The following FER variants were observed in gnomAD, a reference collection of about 807,000 sequenced individuals.
FER encodes the protein tyrosine-protein kinase Fer.
A neutral mutation model predicts 111.0 loss-of-function variants in FER; 63 were observed. That is an observed-to-expected ratio of 0.57 (90% CI 0.46 to 0.70). FER has a LOEUF of 0.70. FER is among the 30% of genes least tolerant of loss of function. The pLI is 0.00. For missense variants in FER, 914 were observed against 954.0 expected, an observed-to-expected ratio of 0.96 and a Z score of 0.55; for synonymous variants, 327 against 313.9, an observed-to-expected ratio of 1.04 and a Z score of -0.44.
chr5:109,051,493 G>C, intron 16 of FER: 1 of 1,611,752 alleles, frequency 6.2e-7, no homozygotes. Context: ...GGTGCTTCCC[G>C]CCTGCCCCAT....
chr5:109,056,961 A>G (rs1015643672), intron 16 of FER, among the ~76,000 whole-genome samples: 27 of 152,172 alleles, frequency 1.8e-4, no homozygotes, highest in African/African-American at 5.8e-4. Context: ...TTCAGTTTCT[A>G]TAGAAAGGCT....
intron 16 of FER, among the ~76,000 whole-genome samples, chr5:109,089,036 C>A (rs1482542533): frequency 1.3e-5 from 2 of 152,152 alleles, no homozygotes; most frequent in Non-Finnish European, 2.9e-5. Flanking sequence ...ATAATATAAT[C>A]CCTAAAGAGT....
chr5:108,762,616 C>G (rs552700181), intron 1 of FER, among the ~76,000 whole-genome samples: 169 of 152,310 alleles, frequency 1.1e-3, no homozygotes, highest in Non-Finnish European at 1.9e-3. Flanking sequence ...TCCTGCTTTC[C>G]TTCCTTCATG....
intron 2 of FER, among the ~76,000 whole-genome samples, chr5:108,787,542 G>A (rs1212335679): frequency 6.6e-6 from 1 of 152,238 alleles, no homozygotes. Context: ...GAACTTCATT[G>A]ATGACTGTTT....
intron 13 of FER, among the ~76,000 whole-genome samples, chr5:109,004,787 T>G (rs566353173): frequency 6.6e-6 from 1 of 152,330 alleles, no homozygotes; most frequent in South Asian, 2.1e-4. Flanking sequence ...GTTTTGCACC[T>G]TATGAAACAT....
chr5:108,972,651 C>T (rs1006194926), intron 13 of FER, among the ~76,000 whole-genome samples: 11 of 151,948 alleles, frequency 7.2e-5, no homozygotes, highest in African/African-American at 1.7e-4. Flanking sequence ...CAGAGTCTTA[C>T]GTGTAATATA....
chr5:109,187,592 A>G lies in FER; in HGVS notation c.*17A>G, dbSNP rs1133392. 1.5e-5 allele frequency: 25 copies of G among 1,613,738 alleles called. No individual in the cohort carries two copies. The Middle Eastern group carries it at 8.2e-4, about 53-fold the overall frequency. On this transcript the variant is annotated 3_prime_UTR_variant, in exon 20 of 20. Coordinates refer to ENST00000281092, the MANE Select transcript of FER (RefSeq NM_005246.4). ...CTCACATAGTGACAGGATGGCGCCA[A>G]ACTCAGCCTTCAGGACTCTGTCCTC... is the stretch of plus-strand genomic sequence containing the variant.
intron 15 of FER, among the ~76,000 whole-genome samples, chr5:109,045,323 T>TATACA (rs1179358617): frequency 1.0e-5 from 1 of 100,054 alleles, no homozygotes; most frequent in African/African-American, 4.1e-5. Flanking sequence ...TATATACCTT[T>TATACA]TTATAGCTAT....
rs1200184420 is a variant in FER, at chr5:108,898,623, C to A, written c.1236+775C>A. Among the ~76,000 whole-genome samples the A allele has an allele frequency of 3.6e-5, 5 of 138,304 alleles. No individual in the cohort carries two copies. The East Asian group carries it at 1.2e-3, about 33-fold the overall frequency. The allele number at this position is 138,304 out of a possible 152,430, so 90.7% of individuals were successfully genotyped here. A position where few individuals can be genotyped will look rare whatever the true frequency, so the allele number is the denominator to read the frequency against. On this transcript the variant is annotated intron_variant, in intron 10 of 19. Coordinates refer to ENST00000281092, the MANE Select transcript of FER (RefSeq NM_005246.4). Reference sequence around the variant, plus strand: ...CCCCTCCCCTTTCCTTCCTTCCTTCCTTCCTTTCTTTTTCTTTTTCTTTCC... The same window carrying A: ...CCCCTCCCCTTTCCTTCCTTCCTTCATTCCTTTCTTTTTCTTTTTCTTTCC...
At position 109,188,239 on chromosome 5, in the gene FER, TCCCAGGCATG is replaced by T. The variant is rs1482620333; in HGVS notation, c.*665_*674del. 6 of 143,744 alleles carry T rather than the reference TCCCAGGCATG, an allele frequency of 4.2e-5. No homozygotes were observed. Among genetic ancestry groups the T allele is most frequent in the Non-Finnish European group, 7.6e-5 (5 of 65,714 alleles). 8.9% of individuals were successfully genotyped at this position (143,744 alleles called of 1,614,324 possible). On this transcript the variant is annotated 3_prime_UTR_variant, in exon 20 of 20. Coordinates refer to ENST00000281092, the MANE Select transcript of FER (RefSeq NM_005246.4). Reference sequence around the variant, plus strand: ...CGGGCACGGTGGCTCACGCCTGTAATCCCAGGCATGTAATCTCATGCCTGGGATTACAGGC... The same window carrying T: ...CGGGCACGGTGGCTCACGCCTGTAATTAATCTCATGCCTGGGATTACAGGC...
At chr5:108,995,662 T>A (rs1334125759) in intron 13 of FER, among the ~76,000 whole-genome samples, 4 of 152,192 alleles carry the variant, frequency 2.6e-5, no homozygotes, top group Non-Finnish European at 5.9e-5. Flanking sequence ...ATCCAGTCTA[T>A]CATTGATGGG....
At chr5:108,937,761 T>C (rs865827773) in intron 10 of FER, among the ~76,000 whole-genome samples, 50 of 151,768 alleles carry the variant, frequency 3.3e-4, no homozygotes, top group African/African-American at 1.2e-3. Context: ...ATTGGTGAAA[T>C]GGAGTCTGTT....
At chr5:108,969,280 A>C (rs930484711) in intron 13 of FER, among the ~76,000 whole-genome samples, 3 of 152,140 alleles carry the variant, frequency 2.0e-5, no homozygotes, top group African/African-American at 7.2e-5. Flanking sequence ...AAATCATTGA[A>C]ATTTTCACCA....
At chr5:108,847,319 G>A (rs1401070666) in intron 5 of FER, among the ~76,000 whole-genome samples, 6 of 151,506 alleles carry the variant, frequency 4.0e-5, no homozygotes, top group East Asian at 1.9e-4. Flanking sequence ...ATGTTTTATC[G>A]TTTTTCTAGA....
At chr5:109,129,703 G>A (rs543187191) in intron 17 of FER, among the ~76,000 whole-genome samples, 1 of 152,106 alleles carries the variant, frequency 6.6e-6, no homozygotes, top group African/African-American at 2.4e-5. Flanking sequence ...ATATGCTCTA[G>A]GCAGATGTAT....
intron 14 of FER, among the ~76,000 whole-genome samples, chr5:109,041,929 T>C (rs148904583): frequency 6.6e-6 from 1 of 152,266 alleles, no homozygotes; most frequent in African/African-American, 2.4e-5. Flanking sequence ...AAATAAGTCA[T>C]CACTTAAGTT....
chr5:109,018,798 A>T (rs1468732776), intron 13 of FER, among the ~76,000 whole-genome samples: 1 of 151,708 alleles, frequency 6.6e-6, no homozygotes, highest in East Asian at 1.9e-4. Context: ...GAAGGGACTT[A>T]AGTAGTAGAG....
At chr5:109,142,364 A>G (rs1255888402) in intron 17 of FER, among the ~76,000 whole-genome samples, 1 of 152,194 alleles carries the variant, frequency 6.6e-6, no homozygotes, top group Non-Finnish European at 1.5e-5. Flanking sequence ...TATTATATAA[A>G]TGACAATGAT....
At chr5:108,807,525 T>C (rs1238279791) in intron 3 of FER, among the ~76,000 whole-genome samples, 5 of 152,236 alleles carry the variant, frequency 3.3e-5, no homozygotes, top group African/African-American at 1.2e-4. Context: ...TCTTTGTTGG[T>C]CTAGCTAGTG....
Sources: allele counts gnomAD v4.1 joint callset (sites outside exome capture counted in the v4.1 genomes callset), GRCh38; gene constraint gnomAD v4.1.1; transcripts MANE v1.5; gene names NCBI Gene and HGNC (gene_info 2026-07-23, HGNC 2026-07-21).